Variants in CIB4 observed in about 807,000 individuals in gnomAD.
CIB4 encodes the protein calcium and integrin binding family member 4.
A neutral mutation model predicts 25.8 loss-of-function variants in CIB4; 25 were observed. The observed-to-expected ratio is 0.97, with a 90% CI of 0.71 to 1.35. The LOEUF (loss-of-function observed/expected upper bound fraction) is 1.35, where lower values mean the gene tolerates loss of function less well. CIB4 is among the 40% of genes most tolerant of loss of function. The pLI is 0.00. For synonymous variants in CIB4, 75 were observed against 81.4 expected (o/e 0.92, Z 0.42); for missense variants, 235 against 228.2 (o/e 1.03, Z -0.19).
intron 4 of CIB4, among the ~76,000 whole-genome samples, chr2:26,587,794 C>T (rs1668485546): frequency 6.6e-6 from 1 of 152,104 alleles, no homozygotes; most frequent in Non-Finnish European, 1.5e-5. Context: ...AAAGTGCAAA[C>T]CAAAGAGGCT....
intron 3 of CIB4, among the ~76,000 whole-genome samples, chr2:26,614,042 G>A (rs950389137): frequency 1.3e-5 from 2 of 151,306 alleles, no homozygotes; most frequent in Non-Finnish European, 2.9e-5. Flanking sequence ...CAGGCCCAGG[G>A]CCTGCAGAGG....
At chr2:26,605,309 A>T (rs770699382) in intron 3 of CIB4, among the ~76,000 whole-genome samples, 1 of 134,004 alleles carries the variant, frequency 7.5e-6, no homozygotes, top group Non-Finnish European at 1.6e-5. Flanking sequence ...TTGTTCAAGT[A>T]AAAAAAAAAA....
intron 3 of CIB4, among the ~76,000 whole-genome samples, chr2:26,615,661 G>C (rs1324080257): frequency 1.3e-5 from 2 of 152,210 alleles, no homozygotes; most frequent in African/African-American, 4.8e-5. Flanking sequence ...TTTGGAAGAT[G>C]AAGACACTGA....
intron 3 of CIB4, among the ~76,000 whole-genome samples, chr2:26,620,153 C>G (rs1056262452): frequency 6.8e-6 from 1 of 147,324 alleles, no homozygotes; most frequent in Non-Finnish European, 1.5e-5. Context: ...GGGAAGGTGA[C>G]ACCACCCCAA....
At chr2:26,595,873 C>A (rs1668672015) in intron 3 of CIB4, among the ~76,000 whole-genome samples, 1 of 151,660 alleles carries the variant, frequency 6.6e-6, no homozygotes, top group Non-Finnish European at 1.5e-5. Flanking sequence ...CTCCTTAGAT[C>A]CATGTCACAT....
chr2:26,596,496 C>A (rs927129783), intron 3 of CIB4, among the ~76,000 whole-genome samples: 3 of 152,156 alleles, frequency 2.0e-5, no homozygotes, highest in African/African-American at 4.8e-5. Flanking sequence ...GTAATCCCAG[C>A]ACTTTGGGTG....
rs1669323516 is a variant in CIB4, at chr2:26,627,006, G to A, written c.186+2404C>T. ...ACATGCAAGGAGTGTGATAGCTCCA[G>A]GCCCAGACTCAGCCCTCCTGATCTT... is the stretch of plus-strand genomic sequence containing the variant. On this transcript the variant is annotated intron_variant, in intron 3 of 6. Transcript: ENST00000288861. The surrounding 1 kb of genome is among the most constrained non-coding windows in gnomAD (Gnocchi z 4.0). Among the ~76,000 whole-genome samples, 1 of 152,206 alleles carries A rather than the reference G, an allele frequency of 6.6e-6. No homozygotes were observed. Among genetic ancestry groups the A allele is most frequent in the Admixed American group, 6.5e-5 (1 of 15,280 alleles).
At position 26,627,639 on chromosome 2, in the gene CIB4, C is replaced by T. The variant is rs112765996; in HGVS notation, c.186+1771G>A. 2.6e-5 allele frequency among the ~76,000 whole-genome samples: 4 copies of T among 152,188 alleles called. No homozygotes were observed. The highest frequency in any genetic ancestry group is 9.6e-5 in the African/African-American group (4 of 41,506). ...GGGTGAGGCCAGGAAGTGGGGGGTG[C>T]CAGGAAGACCGCCTCCCCATTTTGT... On this transcript the variant is annotated intron_variant, in intron 3 of 6. Coordinates refer to ENST00000288861, the MANE Select transcript of CIB4 (RefSeq NM_001029881.3). The surrounding 1 kb of genome is among the most constrained non-coding windows in gnomAD (Gnocchi z 4.0).
At chr2:26,605,393 A>T (rs1324478863) in intron 3 of CIB4, 2 of 426,440 alleles carry the variant, frequency 4.7e-6, no homozygotes, top group Non-Finnish European at 9.7e-6. Context: ...AACCCATTCC[A>T]CCCTGTGCTC....
At chr2:26,631,329 G>A (rs1207534316) in intron 2 of CIB4, among the ~76,000 whole-genome samples, 2 of 152,132 alleles carry the variant, frequency 1.3e-5, no homozygotes, top group African/African-American at 2.4e-5. Context: ...TTGAAAATTA[G>A]CCAGGCATAC....
At chr2:26,639,911 A>G (rs923081834) in intron 2 of CIB4, among the ~76,000 whole-genome samples, 2 of 152,160 alleles carry the variant, frequency 1.3e-5, no homozygotes, top group Non-Finnish European at 2.9e-5. Context: ...ACACACAAAC[A>G]CACACACACC....
chr2:26,621,163 TCA>T (rs1669196650), intron 3 of CIB4, among the ~76,000 whole-genome samples: 1 of 144,912 alleles, frequency 6.9e-6, no homozygotes, highest in South Asian at 2.1e-4. Context: ...TCCGCGTGCC[TCA>T]CACACAGGGG....
In CIB4 at chr2:26,638,148, T is replaced by C. The variant is rs146211051; in HGVS notation, c.89+2385A>G. ...GACAGAAAGAGCTTTAAGAACTGCT[T>C]GTTAGAGAAGTTTGCACTGAACCAT... On this transcript the variant is annotated intron_variant, in intron 2 of 6. Transcript: ENST00000288861. Among the ~76,000 whole-genome samples the C allele has an allele frequency of 3.3e-3, 498 of 152,240 alleles. 1 individual carries two copies. Among genetic ancestry groups the C allele is most frequent in the Non-Finnish European group, 5.7e-3 (387 of 68,004 alleles).
chr2:26,587,125 T>C (rs1264772409), intron 4 of CIB4, among the ~76,000 whole-genome samples: 3 of 151,722 alleles, frequency 2.0e-5, no homozygotes, highest in Non-Finnish European at 4.4e-5. Context: ...GCTAACACAG[T>C]GAAACCCCGT....
intron 3 of CIB4, among the ~76,000 whole-genome samples, chr2:26,605,176 G>C (rs536745741): frequency 6.6e-6 from 1 of 152,180 alleles, no homozygotes; most frequent in Non-Finnish European, 1.5e-5. Context: ...AAATTATTTT[G>C]AACTAAGTGA....
intron 3 of CIB4, among the ~76,000 whole-genome samples, chr2:26,597,425 T>C (rs1165121349): frequency 7.0e-5 from 10 of 142,056 alleles, no homozygotes; most frequent in Non-Finnish European, 9.1e-5. Context: ...ACGACAGCTA[T>C]TAAAAAAAAA....
intron 3 of CIB4, among the ~76,000 whole-genome samples, chr2:26,624,636 T>G (rs1475102685): frequency 6.6e-6 from 1 of 150,678 alleles, no homozygotes; most frequent in Non-Finnish European, 1.5e-5. Flanking sequence ...TTTAATGTCC[T>G]TACTTGGCAA....
rs1249392607 is a variant in CIB4 at position 26,632,926 on chromosome 2, GT to G, written c.90-3421del. Among the ~76,000 whole-genome samples, 8 of 151,550 alleles carry G rather than the reference GT, an allele frequency of 5.3e-5. No individual in the cohort carries two copies. The East Asian group carries it at 5.8e-4, about 11-fold the overall frequency. On this transcript the variant is annotated intron_variant, in intron 2 of 6. Transcript: ENST00000288861. ...ATTTTCAACAAAAATTAATGTTTTGGTTTTTTTTTAAATCCCTAAGGCAACG... is the reference window on the plus strand; with the variant it reads ...ATTTTCAACAAAAATTAATGTTTTGGTTTTTTTTAAATCCCTAAGGCAACG...
chr2:26,588,636 G>A (rs918842357), intron 4 of CIB4, among the ~76,000 whole-genome samples: 3 of 152,324 alleles, frequency 2.0e-5, no homozygotes, highest in African/African-American at 4.8e-5. Flanking sequence ...TCCTTTCACC[G>A]TGACTTTTGT....
Sources: gnomAD v4.1 joint callset for allele counts (sites outside exome capture counted in the v4.1 genomes callset) on GRCh38, gnomAD v4.1.1 for gene constraint, Gnocchi (gnomAD v3.1) non-coding constraint, MANE v1.5 for transcripts, NCBI Gene and HGNC (gene_info 2026-07-23, HGNC 2026-07-21) for gene names.